Variants in FRAS1 observed in about 807,000 individuals in gnomAD.
The protein encoded by FRAS1 is Fraser extracellular matrix complex subunit 1.
FRAS1 carries 290 observed loss-of-function variants against 435.2 expected under a neutral mutation model. The observed-to-expected ratio is 0.67, with a 90% CI of 0.61 to 0.73. FRAS1 has a LOEUF of 0.73. Among genes scored for constraint, FRAS1 ranks in the 30% least tolerant of loss-of-function variants. FRAS1 has a pLI of 0.00. For synonymous variants in FRAS1, 1,800 were observed against 1,851.0 expected (o/e 0.97, Z 0.71); for missense variants, 4,860 against 5,001.5 (o/e 0.97, Z 0.85).
intron 35 of FRAS1, among the ~76,000 whole-genome samples, chr4:78,426,720 C>T (rs1734011522): frequency 6.6e-6 from 1 of 152,032 alleles, no homozygotes; most frequent in Non-Finnish European, 1.5e-5. Context: ...GGCATTTAGC[C>T]CAAAAAGGCA....
chr4:78,476,611 A>G (rs1719859690), intron 54 of FRAS1, among the ~76,000 whole-genome samples: 1 of 152,222 alleles, frequency 6.6e-6, no homozygotes, highest in South Asian at 2.1e-4. Context: ...GAATTAGGAA[A>G]GAACAGATAA....
intron 55 of FRAS1, among the ~76,000 whole-genome samples, chr4:78,478,982 T>A (rs987738294): frequency 3.9e-5 from 6 of 152,206 alleles, no homozygotes; most frequent in African/African-American, 1.4e-4. Flanking sequence ...AGTATAGAAG[T>A]TTATTCAGAA....
chr4:78,440,283 C>T (rs1007711951), intron 40 of FRAS1, among the ~76,000 whole-genome samples: 3 of 152,060 alleles, frequency 2.0e-5, no homozygotes, highest in Non-Finnish European at 4.4e-5. Flanking sequence ...CCACCCGCCT[C>T]GGCCTCCCAA....
chr4:78,482,117 T>A (rs142690682), intron 57 of FRAS1, among the ~76,000 whole-genome samples, 153 bp downstream of exon 57: 1 of 152,130 alleles, frequency 6.6e-6, no homozygotes, highest in Non-Finnish European at 1.5e-5. Context: ...AGAGTTAACT[T>A]AGGAGGGGAT....
Position 78,163,536 on chromosome 4 carries a change from A to G in FRAS1, c.109-73974A>G, listed in dbSNP as rs570563778. On this transcript the variant is annotated intron_variant, in intron 2 of 73. Transcript: ENST00000512123. ...GGAACTGGTTTCCTTCTAAGTTATG[A>G]GCACTTTCCAAAAGTTGTTTGGGAC... 3.9e-5 allele frequency among the ~76,000 whole-genome samples: 6 copies of G among 152,368 alleles called. No homozygotes were observed. In the South Asian group the frequency reaches 1.2e-3, roughly 32 times the overall value.
At chr4:78,443,962 C>T in intron 41 of FRAS1, 1 of 315,702 alleles carries the variant, frequency 3.2e-6, no homozygotes, top group Non-Finnish European at 6.2e-6. Context: ...GATTCTCCTA[C>T]CTCAGCCTCC....
At chr4:78,284,345 T>G in intron 12 of FRAS1, 60 bp from the exon 13 acceptor site, 5 of 1,544,200 alleles carry the variant, frequency 3.2e-6, no homozygotes, top group Middle Eastern at 1.7e-4. Context: ...TTCTGAAGGA[T>G]GTAAGAGAAA....
At chr4:78,424,640 T>C (rs148296866) in intron 35 of FRAS1, among the ~76,000 whole-genome samples, 4 of 152,218 alleles carry the variant, frequency 2.6e-5, no homozygotes, top group Admixed American at 1.3e-4. Context: ...CTACCAATGA[T>C]GCTAAAAGTT....
At position 78,448,294 on chromosome 4, in the gene FRAS1, C is replaced by T. The variant is rs114956797; in HGVS notation, c.6252C>T (p.Asn2084=). 6,450 of 1,610,610 alleles carry T rather than the reference C, an allele frequency of 4.0e-3. 221 individuals are homozygous for T. In the African/African-American group the frequency reaches 0.072, roughly 18 times the overall value. The part of the protein sequence containing the change: ...PASDTPHLAI[N]QGLQLSAGSV... The stretch of plus-strand genomic sequence containing the variant: ...GTGACACACCTCACTTGGCTATAAA[C>T]CAAGGCCTACAGCTCTCAGCAGGTA... The change falls in exon 44 of 74, where the codon AAC becomes AAT. Residue 2084 remains asparagine, a synonymous_variant. Transcript: ENST00000512123.
intron 4 of FRAS1, among the ~76,000 whole-genome samples, chr4:78,250,159 C>G (rs1725467594): frequency 6.6e-6 from 1 of 151,816 alleles, no homozygotes; most frequent in African/African-American, 2.4e-5. Flanking sequence ...AAAATATTTT[C>G]TTGGGGAAAA....
intron 69 of FRAS1, among the ~76,000 whole-genome samples, chr4:78,525,896 C>A (rs1399760569): frequency 2.0e-5 from 3 of 152,210 alleles, no homozygotes; most frequent in Non-Finnish European, 4.4e-5. Context: ...TCCCCAAGTC[C>A]CCGTGAGTGG....
intron 2 of FRAS1, among the ~76,000 whole-genome samples, chr4:78,150,040 C>T (rs1400612987): frequency 6.6e-6 from 1 of 152,170 alleles, no homozygotes; most frequent in Non-Finnish European, 1.5e-5. Context: ...AGCAGAAAAT[C>T]AAGATACTGC....
chr4:78,474,019 A>G (rs1013510538), intron 53 of FRAS1, among the ~76,000 whole-genome samples: 2 of 152,244 alleles, frequency 1.3e-5, no homozygotes, highest in Admixed American at 1.3e-4. Context: ...AGAGTCTAGT[A>G]GAACTGATAG....
chr4:78,289,314 G>A (rs73827934), intron 14 of FRAS1, among the ~76,000 whole-genome samples: 9,982 of 151,970 alleles, frequency 0.066, 1,088 homozygotes, highest in African/African-American at 0.23. Flanking sequence ...ATGTGCATAT[G>A]TTAATACTAT....
rs1306788185 is a variant in FRAS1, at chr4:78,108,754, C to A, written c.108+42738C>A. ...AGGCAAGAAATAACTAAAATCAGAG[C>A]AGAACTGAAGGAAATAGAGACACAA... On this transcript the variant is annotated intron_variant, in intron 2 of 73. Coordinates refer to ENST00000512123, the MANE Select transcript of FRAS1 (RefSeq NM_025074.7). Among the ~76,000 whole-genome samples, 9 of 92,606 alleles carry A rather than the reference C, an allele frequency of 9.7e-5. 1 individual carries two copies. Among genetic ancestry groups the A allele is most frequent in the African/African-American group, 3.8e-4 (8 of 21,234 alleles). 60.8% of individuals were successfully genotyped at this position (92,606 alleles called of 152,430 possible). A position where few individuals can be genotyped will look rare whatever the true frequency, so the allele number is the denominator to read the frequency against.
rs142243362 is a variant in FRAS1 at position 78,087,530 on chromosome 4, G to T, written c.108+21514G>T. Among the ~76,000 whole-genome samples, 190 of 152,060 alleles carry T rather than the reference G, an allele frequency of 1.2e-3. 6 individuals carry two copies. The South Asian group carries it at 0.037, about 29-fold the overall frequency. The stretch of plus-strand genomic sequence containing the variant: ...TGATTGTATCTGTAGAAAACCCCAT[G>T]GTCTCAGCCCAAAATCTCCTTAAGC... On this transcript the variant is annotated intron_variant, in intron 2 of 73. Coordinates refer to ENST00000512123, the MANE Select transcript of FRAS1 (RefSeq NM_025074.7).
At chr4:78,090,662 G>T (rs1741470655) in intron 2 of FRAS1, among the ~76,000 whole-genome samples, 1 of 152,076 alleles carries the variant, frequency 6.6e-6, no homozygotes. Context: ...TATTCCTAAA[G>T]CGCAGCTGTG....
At chr4:78,446,459 G>A (rs781121707) in intron 42 of FRAS1, 13 of 1,230,242 alleles carry the variant, frequency 1.1e-5, no homozygotes, top group Admixed American at 4.3e-5. Flanking sequence ...CATATTTTTG[G>A]TCTAGAAAAT....
intron 2 of FRAS1, among the ~76,000 whole-genome samples, chr4:78,103,213 T>C (rs1472209850): frequency 6.6e-6 from 1 of 152,216 alleles, no homozygotes; most frequent in East Asian, 1.9e-4. Flanking sequence ...GATAAACTCA[T>C]GGTATTGGAA....
Sources: allele counts gnomAD v4.1 joint callset (sites outside exome capture counted in the v4.1 genomes callset), GRCh38; gene constraint gnomAD v4.1.1; transcripts MANE v1.5; gene names NCBI Gene and HGNC (gene_info 2026-07-23, HGNC 2026-07-21).